Variants in SHLD1 observed in about 807,000 individuals in gnomAD.
SHLD1 encodes the protein RINN1-REV7-interacting novel NHEJ regulator 3.
Under a neutral mutation model 5.5 loss-of-function variants are expected in SHLD1, and 3 were observed. The observed-to-expected ratio is 0.54, with a 90% CI of 0.25 to 1.40. The LOEUF (loss-of-function observed/expected upper bound fraction) is 1.40, where lower values mean the gene tolerates loss of function less well. SHLD1 is among the 40% of genes most tolerant of loss of function. The pLI is 0.15. For synonymous variants in SHLD1, 92 were observed against 94.3 expected, an observed-to-expected ratio of 0.98 and a Z score of 0.14; for missense variants, 210 against 244.4, an observed-to-expected ratio of 0.86 and a Z score of 0.94.
intron 2 of SHLD1, among the ~76,000 whole-genome samples, chr20:5,839,291 A>C (rs237095): frequency 0.43 from 65,579 of 152,090 alleles, 16,664 homozygotes; most frequent in African/African-American, 0.7. Flanking sequence ...TAGCTGACAC[A>C]TTCTCCTTTG....
rs1051220360 is a variant in SHLD1, at chr20:5,768,516, T to C, written c.-4-4346T>C. ...GAGGGAAGGGTCTGTGACATTCACC[T>C]TTGTGTTCCCAGTGCCTGGCACCAG... On this transcript the variant is annotated intron_variant, in intron 1 of 2. Transcript: ENST00000303142. Among the ~76,000 whole-genome samples, 7 of 152,364 alleles carry C rather than the reference T, an allele frequency of 4.6e-5. No individual in the cohort carries two copies. The South Asian group carries it at 1.2e-3, about 27-fold the overall frequency.
chr20:5,855,469 T>C lies in SHLD1; in HGVS notation c.179-7555T>C, dbSNP rs1470391086. Reference sequence around the variant, plus strand: ...TCATGGCAACCTCCACCTCCCGCGTTCAAGAGATTCTTGTGCCTCAGCCAC... The same window carrying C: ...TCATGGCAACCTCCACCTCCCGCGTCCAAGAGATTCTTGTGCCTCAGCCAC... On this transcript the variant is annotated intron_variant, in intron 2 of 2. Coordinates refer to ENST00000303142, the MANE Select transcript of SHLD1 (RefSeq NM_152504.4). The surrounding 1 kb of genome is among the most constrained non-coding windows in gnomAD (Gnocchi z 4.4). Among the ~76,000 whole-genome samples, 1 of 152,170 alleles carries C rather than the reference T, an allele frequency of 6.6e-6. No homozygotes were observed. The highest frequency in any genetic ancestry group is 6.5e-5 in the Admixed American group (1 of 15,268).
At chr20:5,765,405 C>G (rs1984772343) in intron 1 of SHLD1, among the ~76,000 whole-genome samples, 1 of 151,764 alleles carries the variant, frequency 6.6e-6, no homozygotes, top group Admixed American at 6.6e-5. Context: ...GTCACCACAC[C>G]CGGCTAATTT....
chr20:5,776,031 A>G lies in SHLD1; in HGVS notation c.178+2988A>G, dbSNP rs140332123. 5.6e-3 allele frequency among the ~76,000 whole-genome samples: 818 copies of G among 146,014 alleles called. 12 individuals carry two copies. Among genetic ancestry groups the G allele is most frequent in the African/African-American group, 0.02 (774 of 39,276 alleles). ...CAACCTCCACCTCCCAGGTTCAAGC[A>G]ATTCTCCTGTCTCAGCCTCCCAAGT... On this transcript the variant is annotated intron_variant, in intron 2 of 2. Coordinates refer to ENST00000303142, the MANE Select transcript of SHLD1 (RefSeq NM_152504.4).
At chr20:5,851,049 C>T (rs1019761583) in intron 2 of SHLD1, among the ~76,000 whole-genome samples, 1 of 152,210 alleles carries the variant, frequency 6.6e-6, no homozygotes, top group Non-Finnish European at 1.5e-5. Flanking sequence ...GTATGGACGT[C>T]TCATGCTCTC....
chr20:5,791,078 G>A (rs1002416211), intron 2 of SHLD1, among the ~76,000 whole-genome samples: 9 of 151,906 alleles, frequency 5.9e-5, no homozygotes, highest in African/African-American at 1.9e-4. Context: ...CAAGAGGATC[G>A]CCTGATCCCA....
At chr20:5,757,864 A>G (rs2122182093) in intron 1 of SHLD1, among the ~76,000 whole-genome samples, 1 of 152,286 alleles carries the variant, frequency 6.6e-6, no homozygotes, top group South Asian at 2.1e-4. Context: ...CAGCCTCCCA[A>G]AGTACTGGGA....
chr20:5,815,409 C>G (rs1160568925), intron 2 of SHLD1, among the ~76,000 whole-genome samples: 3 of 152,146 alleles, frequency 2.0e-5, no homozygotes, highest in Non-Finnish European at 4.4e-5. Context: ...TATTAAAATA[C>G]AGATTCTAAT....
chr20:5,773,362 T>G (rs1985277713), intron 2 of SHLD1: 2 of 578,904 alleles, frequency 3.5e-6, no homozygotes, highest in Non-Finnish European at 3.1e-6. Flanking sequence ...GTGGAATTTT[T>G]TTTTGTTTTG....
In SHLD1 at chr20:5,863,234, C is replaced by T; in HGVS notation, c.389C>T (p.Thr130Ile). Reference protein sequence around the residue: ...SVCKCLSQKITQLRGQESQKY... With the variant: ...SVCKCLSQKIIQLRGQESQKY... ...TGCAAGTGCCTGTCTCAGAAAATCA[C>T]TCAACTAAGAGGCCAGGAGAGCCAA... Residue 130 changes from threonine (T) to isoleucine (I), a missense_variant, in exon 3 of 3, where the codon ACT becomes ATT. Transcript: ENST00000303142. 6.2e-7 allele frequency: 1 copy of T among 1,614,210 alleles called. No homozygotes were observed. The highest frequency in any genetic ancestry group is 1.1e-5 in the South Asian group (1 of 91,082).
chr20:5,774,779 C>G (rs530346960), intron 2 of SHLD1, among the ~76,000 whole-genome samples: 2 of 152,310 alleles, frequency 1.3e-5, no homozygotes, highest in East Asian at 3.9e-4. Flanking sequence ...ACTTCCAACA[C>G]TGGGGATGAC....
At chr20:5,778,810 T>G (rs1985558753) in intron 2 of SHLD1, among the ~76,000 whole-genome samples, 1 of 152,162 alleles carries the variant, frequency 6.6e-6, no homozygotes, top group Non-Finnish European at 1.5e-5. Context: ...AAAGAGAACT[T>G]CATTTTAACA....
At chr20:5,825,470 T>C (rs2087655522) in intron 2 of SHLD1, among the ~76,000 whole-genome samples, 1 of 152,382 alleles carries the variant, frequency 6.6e-6, no homozygotes, top group East Asian at 1.9e-4. Flanking sequence ...ATTTTCCCTT[T>C]CTGTCTTTTT....
chr20:5,776,740 G>C (rs1236968693), intron 2 of SHLD1, among the ~76,000 whole-genome samples: 2 of 151,846 alleles, frequency 1.3e-5, no homozygotes, highest in Admixed American at 6.6e-5. Context: ...TCCAGCCCCG[G>C]CAACAGAGCA....
chr20:5,830,985 C>T (rs139222301), intron 2 of SHLD1, among the ~76,000 whole-genome samples: 7 of 151,940 alleles, frequency 4.6e-5, no homozygotes, highest in East Asian at 3.9e-4. Flanking sequence ...CTTTGATATA[C>T]GCACGTTATA....
At chr20:5,852,008 C>A (rs1181966641) in intron 2 of SHLD1, among the ~76,000 whole-genome samples, 2 of 151,740 alleles carry the variant, frequency 1.3e-5, no homozygotes, top group African/African-American at 4.8e-5. Context: ...CGTCTCACAC[C>A]CCACTCTCTC....
intron 2 of SHLD1, among the ~76,000 whole-genome samples, chr20:5,795,978 C>T (rs4813779): frequency 0.56 from 84,137 of 150,808 alleles, 24,144 homozygotes; most frequent in East Asian, 0.78. Context: ...GGCAACAGAG[C>T]GAGACTCTGT....
At chr20:5,788,826 T>C (rs6038279) in intron 2 of SHLD1, among the ~76,000 whole-genome samples, 44,595 of 152,076 alleles carry the variant, frequency 0.29, 6,513 homozygotes, top group Middle Eastern at 0.35. Context: ...AATACACACA[T>C]GAATAGTGAT....
At position 5,806,802 on chromosome 20, in the gene SHLD1, C is replaced by T. The variant is rs759693443; in HGVS notation, c.178+33759C>T. On this transcript the variant is annotated intron_variant, in intron 2 of 2. Transcript: ENST00000303142. The surrounding 1 kb of genome is among the most constrained non-coding windows in gnomAD (Gnocchi z 7.6). ...CATCCTGTGTTGTTGTTTCTCCGCA[C>T]CCAAGGGATGTGAACAGAGTGGTGG... 1.3e-5 allele frequency among the ~76,000 whole-genome samples: 2 copies of T among 152,232 alleles called. No homozygotes were observed. Among genetic ancestry groups the T allele is most frequent in the African/African-American group, 2.4e-5 (1 of 41,460 alleles).
Sources: gnomAD v4.1 joint callset for allele counts (sites outside exome capture counted in the v4.1 genomes callset) on GRCh38, gnomAD v4.1.1 for gene constraint, Gnocchi (gnomAD v3.1) non-coding constraint, MANE v1.5 for transcripts, NCBI Gene and HGNC (gene_info 2026-07-23, HGNC 2026-07-21) for gene names.